Variants in PPARGC1A observed in about 807,000 individuals in gnomAD.
PPARGC1A encodes the protein peroxisome proliferator-activated receptor gamma coactivator 1-alpha.
A neutral mutation model predicts 88.7 loss-of-function variants in PPARGC1A; 25 were observed. The observed-to-expected ratio is 0.28, with a 90% CI of 0.21 to 0.39. PPARGC1A has a LOEUF of 0.39. Ranked by LOEUF, PPARGC1A falls within the 10% of genes least tolerant of loss-of-function variation. PPARGC1A has a pLI of 1.00. For missense variants in PPARGC1A, 880 were observed against 968.7 expected (o/e 0.91, Z 1.22); for synonymous variants, 363 against 355.6 (o/e 1.02, Z -0.24).
At chr4:24,376,712 C>T in the PPARGC1A span, among the ~76,000 whole-genome samples, 10 of 152,126 alleles carry the variant, frequency 6.6e-5, no homozygotes, top group Non-Finnish European at 1.5e-4. Flanking sequence ...TATTCATTAC[C>T]TTCATTACTA....
the PPARGC1A span, among the ~76,000 whole-genome samples, chr4:23,926,881 G>A: frequency 6.6e-6 from 1 of 152,176 alleles, no homozygotes; most frequent in South Asian, 2.1e-4. Context: ...CAGACAATGA[G>A]CTCATTGACA....
intron 5 of PPARGC1A, 77 bp downstream of exon 5, chr4:23,828,323 G>T: frequency 7.1e-7 from 1 of 1,414,192 alleles, no homozygotes; most frequent in Non-Finnish European, 1.0e-6. Context: ...CAAGAAGTTG[G>T]TGTGTTCTCA....
the PPARGC1A span, among the ~76,000 whole-genome samples, chr4:24,261,065 C>T: frequency 5.3e-5 from 8 of 152,162 alleles, no homozygotes; most frequent in African/African-American, 9.7e-5. Flanking sequence ...TTGTCAGTTT[C>T]GCTGGCCTGT....
chr4:23,825,440 T>C (rs1370545871), intron 5 of PPARGC1A, among the ~76,000 whole-genome samples: 1 of 152,120 alleles, frequency 6.6e-6, no homozygotes, highest in Admixed American at 6.6e-5. Flanking sequence ...ATGAAAATCA[T>C]AGTGTCAAAA....
chr4:24,115,436 G>A, the PPARGC1A span, among the ~76,000 whole-genome samples: 3 of 151,906 alleles, frequency 2.0e-5, no homozygotes, highest in African/African-American at 4.8e-5. Context: ...CCCATGGCTT[G>A]GAAAAAAAAC....
the PPARGC1A span, among the ~76,000 whole-genome samples, chr4:23,962,164 G>C: frequency 3.3e-5 from 5 of 151,772 alleles, no homozygotes; most frequent in Non-Finnish European, 5.9e-5. Context: ...AAATAGCAAG[G>C]GGACAATTTT....
the PPARGC1A span, among the ~76,000 whole-genome samples, chr4:24,326,825 G>C: frequency 6.6e-6 from 1 of 152,130 alleles, no homozygotes; most frequent in African/African-American, 2.4e-5. Flanking sequence ...TGACCTTACT[G>C]TTTTAGCCTA....
the PPARGC1A span, among the ~76,000 whole-genome samples, chr4:24,076,647 T>C: frequency 1.3e-5 from 2 of 152,068 alleles, no homozygotes; most frequent in African/African-American, 2.4e-5. Context: ...CATGTAGGCT[T>C]GCTGTGAAAT....
At chr4:23,998,403 ATG>A in the PPARGC1A span, among the ~76,000 whole-genome samples, 1 of 152,150 alleles carries the variant, frequency 6.6e-6, no homozygotes, top group Non-Finnish European at 1.5e-5. Context: ...CTAGAAAAGT[ATG>A]TATCATATAA....
At chr4:23,948,596 T>A in the PPARGC1A span, among the ~76,000 whole-genome samples, 5 of 152,146 alleles carry the variant, frequency 3.3e-5, no homozygotes, top group African/African-American at 1.2e-4. Flanking sequence ...CTTAGAGACT[T>A]GGTCTTGAAC....
the PPARGC1A span, among the ~76,000 whole-genome samples, chr4:24,361,364 A>G: frequency 5.9e-5 from 9 of 152,238 alleles, no homozygotes; most frequent in African/African-American, 9.6e-5. Context: ...GTCAAACTGC[A>G]AAGTTCCTAT....
the PPARGC1A span, among the ~76,000 whole-genome samples, chr4:24,137,897 G>A: frequency 2.6e-5 from 4 of 152,064 alleles, no homozygotes; most frequent in African/African-American, 7.2e-5. Flanking sequence ...CAGGTAAAAC[G>A]ACTTGATAAT....
Position 23,888,895 on chromosome 4 carries a change from T to C in PPARGC1A, c.54+1009A>G, listed in dbSNP as rs547412233. The stretch of plus-strand genomic sequence containing the variant: ...CGCAGTCTTTTGCCAGATTCATTGT[T>C]AGCAGCTGGGATCCTCCATGCAATT... On this transcript the variant is annotated intron_variant, in intron 1 of 12. Transcript: ENST00000264867. 13 of 970,656 alleles carry C rather than the reference T, an allele frequency of 1.3e-5. No individual in the cohort carries two copies. In the South Asian group the frequency reaches 4.3e-4, roughly 32 times the overall value. 60.1% of individuals were successfully genotyped at this position (970,656 alleles called of 1,614,324 possible).
At chr4:24,385,761 AC>A in the PPARGC1A span, among the ~76,000 whole-genome samples, 4 of 152,152 alleles carry the variant, frequency 2.6e-5, no homozygotes, top group African/African-American at 9.7e-5. Context: ...TAGCCTACCA[AC>A]CAAAAAAAGC....
chr4:24,181,587 T>A, the PPARGC1A span, among the ~76,000 whole-genome samples: 1 of 152,162 alleles, frequency 6.6e-6, no homozygotes, highest in Non-Finnish European at 1.5e-5. Flanking sequence ...ATCCACATGT[T>A]TGCCAGTTCC....
chr4:24,148,727 A>G, the PPARGC1A span, among the ~76,000 whole-genome samples: 1 of 152,240 alleles, frequency 6.6e-6, no homozygotes, highest in Non-Finnish European at 1.5e-5. Context: ...CAGTTCAAAC[A>G]TGCTAAGTCA....
chr4:23,951,499 T>C, the PPARGC1A span, among the ~76,000 whole-genome samples: 1 of 152,170 alleles, frequency 6.6e-6, no homozygotes, highest in African/African-American at 2.4e-5. Flanking sequence ...ATCCCATGGT[T>C]TTTATTAAAG....
the PPARGC1A span, among the ~76,000 whole-genome samples, chr4:23,991,411 G>A: frequency 6.6e-6 from 1 of 152,082 alleles, no homozygotes; most frequent in Non-Finnish European, 1.5e-5. Context: ...CTGACACTGA[G>A]AAAATTACTC....
chr4:23,957,858 C>G, the PPARGC1A span, among the ~76,000 whole-genome samples: 2 of 152,208 alleles, frequency 1.3e-5, no homozygotes, highest in African/African-American at 4.8e-5. Context: ...TAAGAAACAG[C>G]TCCCTCTGGT....
Sources: allele counts gnomAD v4.1 joint callset (sites outside exome capture counted in the v4.1 genomes callset), GRCh38; gene constraint gnomAD v4.1.1; transcripts MANE v1.5; gene names NCBI Gene and HGNC (gene_info 2026-07-23, HGNC 2026-07-21).